Variants in PIEZO2 observed in about 807,000 individuals in gnomAD.
PIEZO2 encodes piezo-type mechanosensitive ion channel component 2.
Under a neutral mutation model 337.3 loss-of-function variants are expected in PIEZO2, and 172 were observed. The observed-to-expected ratio is 0.51, with a 90% CI of 0.45 to 0.58. PIEZO2 has a LOEUF of 0.58. PIEZO2 is among the 20% of genes least tolerant of loss of function. PIEZO2 has a pLI of 0.00. For synonymous variants in PIEZO2, 1,251 were observed against 1,228.5 expected (o/e 1.02, Z -0.38); for missense variants, 3,028 against 3,391.3 (o/e 0.89, Z 2.66).
chr18:10,854,079 A>G lies in PIEZO2; in HGVS notation c.917+1274T>C, dbSNP rs914137937. 6.6e-6 allele frequency among the ~76,000 whole-genome samples: 1 copy of G among 151,688 alleles called. No homozygotes were observed. Among genetic ancestry groups the G allele is most frequent in the Admixed American group, 6.6e-5 (1 of 15,230 alleles). On this transcript the variant is annotated intron_variant, in intron 7 of 55. Transcript: ENST00000674853. The surrounding 1 kb of genome is among the most constrained non-coding windows in gnomAD (Gnocchi z 4.6). The stretch of plus-strand genomic sequence containing the variant: ...TCTTTTCCATGCTGATTTTTTTTTT[A>G]AAGACCCATTCATTTGCCTTGCAGA...
In PIEZO2 at chr18:11,126,621, T is replaced by C. The variant is rs1233547999; in HGVS notation, c.64+21904A>G. On this transcript the variant is annotated intron_variant, in intron 1 of 55. Coordinates refer to ENST00000674853, the MANE Select transcript of PIEZO2 (RefSeq NM_001378183.1). This position sits in a 1 kb window ranked among gnomAD's most constrained non-coding sequence, Gnocchi z 4.6. ...AAGAGGATCTCAAGAGCAGGAGCCA[T>C]GCCTTACATATTTTTTTTTTTTTGT... Among the ~76,000 whole-genome samples the C allele has an allele frequency of 6.6e-6, 1 of 151,770 alleles. No homozygotes were observed. The highest frequency in any genetic ancestry group is 1.5e-5 in the Non-Finnish European group (1 of 67,974).
At chr18:11,059,209 G>C (rs998152170) in intron 2 of PIEZO2, among the ~76,000 whole-genome samples, 2 of 141,002 alleles carry the variant, frequency 1.4e-5, no homozygotes, top group African/African-American at 4.9e-5. Context: ...CAAATGCTGA[G>C]AGATTTCATC....
chr18:10,742,798 T>TTGTGTGTGTGTGTG (rs71169946), intron 31 of PIEZO2, among the ~76,000 whole-genome samples, 183 bp from the exon 32 acceptor site: 1 of 115,576 alleles, frequency 8.7e-6, no homozygotes, highest in South Asian at 2.5e-4. Flanking sequence ...ATATACATAT[T>TTGTGTGTGTGTGTG]TGTGTGTGTG....
chr18:10,696,413 G>C lies in PIEZO2; in HGVS notation c.6954C>G (p.Val2318=), dbSNP rs779676985. The C allele has an allele frequency of 6.2e-7, 1 of 1,614,220 alleles. No homozygotes were observed. The highest frequency in any genetic ancestry group is 1.1e-5 in the South Asian group (1 of 91,082). The change falls in exon 46 of 56, where the codon GTC becomes GTG. Residue 2318 remains valine (V), a synonymous_variant. Coordinates refer to ENST00000674853, the MANE Select transcript of PIEZO2 (RefSeq NM_001378183.1). ...LADTVDFIII[V]FGFWAFGKHS... ...CTACCCCAAAGGCCCAAAAGCCGAA[G>C]ACAATGATGATGAAGTCCACAGTGT...
In PIEZO2 at chr18:10,952,150, AAAAC is replaced by A. The variant is rs1399715419; in HGVS notation, c.286+27381_286+27384del. 6.6e-6 allele frequency among the ~76,000 whole-genome samples: 1 copy of A among 152,168 alleles called. No individual in the cohort carries two copies. Among genetic ancestry groups the A allele is most frequent in the Admixed American group, 6.5e-5 (1 of 15,274 alleles). The stretch of plus-strand genomic sequence containing the variant: ...CTCTCTACTCTTCAGTAGAGCCCCC[AAAAC>A]AAACAGTGAAACAGTGAGAGGAAAA... On this transcript the variant is annotated intron_variant, in intron 3 of 55. Coordinates refer to ENST00000674853, the MANE Select transcript of PIEZO2 (RefSeq NM_001378183.1). The surrounding 1 kb of genome is among the most constrained non-coding windows in gnomAD (Gnocchi z 4.1).
At chr18:10,956,528 T>A (rs1473809049) in intron 3 of PIEZO2, among the ~76,000 whole-genome samples, 1 of 152,198 alleles carries the variant, frequency 6.6e-6, no homozygotes, top group South Asian at 2.1e-4. Flanking sequence ...TGAAAAAAAA[T>A]TATCTTAAAA....
Position 10,762,994 on chromosome 18 carries a change from C to T in PIEZO2, c.3051G>A (p.Val1017=). The T allele has an allele frequency of 1.3e-6, 2 of 1,537,262 alleles. No individual in the cohort carries two copies. Among genetic ancestry groups the T allele is most frequent in the East Asian group, 2.4e-5 (1 of 40,904 alleles). The part of the protein sequence containing the change: ...ASSVCTVWTC[V]IIVCKMLYQL... ...GGTACAACATTTTGCAGACGATGAT[C>T]ACACACGTCCAGACTGTGCAGACAC... is the stretch of plus-strand genomic sequence containing the variant. Residue 1017 remains valine (V), a synonymous_variant, in exon 22 of 56, where the codon GTG becomes GTA. Transcript: ENST00000674853.
intron 2 of PIEZO2, among the ~76,000 whole-genome samples, chr18:10,991,435 G>A (rs2035098487): frequency 7.6e-6 from 1 of 131,272 alleles, no homozygotes; most frequent in African/African-American, 3.0e-5. Context: ...CTGTGTCCAT[G>A]TGTTCTCATT....
At position 10,682,309 on chromosome 18, in the gene PIEZO2, A is replaced by G. The variant is rs1405702966; in HGVS notation, c.7498-17T>C. On this transcript the variant is annotated splice_polypyrimidine_tract_variant and intron_variant, in intron 49 of 55. Transcript: ENST00000674853. The surrounding 1 kb of genome is among the most constrained non-coding windows in gnomAD (Gnocchi z 5.6). ...AGGGTATCTCTGCAACAGAGAGTTC[A>G]GACAAGGCTCAGGCTCAGGCTCAGG... is the stretch of plus-strand genomic sequence containing the variant. 1 of 1,528,476 alleles carries G rather than the reference A, an allele frequency of 6.5e-7. No homozygotes were observed. Among genetic ancestry groups the G allele is most frequent in the South Asian group, 1.2e-5 (1 of 82,286 alleles). The allele number at this position is 1,528,476 out of a possible 1,614,324, so 94.7% of individuals were successfully genotyped here. A position where few individuals can be genotyped will look rare whatever the true frequency, so the allele number is the denominator to read the frequency against.
chr18:10,807,009 G>T, intron 8 of PIEZO2, 103 bp downstream of exon 8: 2 of 1,185,374 alleles, frequency 1.7e-6, no homozygotes, highest in South Asian at 1.6e-5. Context: ...AGTTGTGTTG[G>T]AATAGAGTAT....
Position 10,938,851 on chromosome 18 carries a change from C to A in PIEZO2, c.287-27623G>T, listed in dbSNP as rs190857870. ...CCTGTAATCCCAGCACTTTGGGAGG[C>A]TGAGGCAGGCAGATCACAAGTTCAG... On this transcript the variant is annotated intron_variant, in intron 3 of 55. Transcript: ENST00000674853. 1.9e-4 allele frequency among the ~76,000 whole-genome samples: 29 copies of A among 152,242 alleles called. No homozygotes were observed. In the East Asian group the frequency reaches 5.4e-3, roughly 28 times the overall value.
chr18:10,911,305 A>G (rs1221782367), intron 3 of PIEZO2, 77 bp from the exon 4 acceptor site: 6 of 382,438 alleles, frequency 1.6e-5, no homozygotes, highest in Admixed American at 8.6e-5. Context: ...CACACACGCT[A>G]GATATTTGGT....
At chr18:11,064,445 T>C (rs2038084043) in intron 2 of PIEZO2, among the ~76,000 whole-genome samples, 1 of 152,242 alleles carries the variant, frequency 6.6e-6, no homozygotes, top group Non-Finnish European at 1.5e-5. Context: ...CACCTGTTTG[T>C]GCTCTGTTTG....
At chr18:10,768,548 C>T (rs1426000893) in intron 21 of PIEZO2, among the ~76,000 whole-genome samples, 1 of 152,164 alleles carries the variant, frequency 6.6e-6, no homozygotes, top group Non-Finnish European at 1.5e-5. Flanking sequence ...TGGGATTTGG[C>T]AGATGCTAGC....
At chr18:11,025,845 C>T (rs553891547) in intron 2 of PIEZO2, among the ~76,000 whole-genome samples, 5 of 152,226 alleles carry the variant, frequency 3.3e-5, no homozygotes, top group East Asian at 3.9e-4. Context: ...GTGGGTACTG[C>T]ACAACTCTTG....
At chr18:10,902,224 T>C (rs900888724) in intron 4 of PIEZO2, among the ~76,000 whole-genome samples, 86 of 152,234 alleles carry the variant, frequency 5.6e-4, no homozygotes, top group African/African-American at 1.9e-3. Flanking sequence ...CGTGGAAAAA[T>C]TGTCTTCCAC....
At chr18:11,082,563 T>C (rs1462189396) in intron 1 of PIEZO2, among the ~76,000 whole-genome samples, 1 of 152,072 alleles carries the variant, frequency 6.6e-6, no homozygotes, top group Non-Finnish European at 1.5e-5. Context: ...GTGATCTGCC[T>C]GCCTTGGCCT....
In PIEZO2 at chr18:10,697,730, A is replaced by C; in HGVS notation, c.6827+18T>G. ...CCCTACAATAAAGCACACATGCCAT[A>C]TGTTCTCATGGACTCACTTCTTTAT... On this transcript the variant is annotated intron_variant, in intron 45 of 55. Coordinates refer to ENST00000674853, the MANE Select transcript of PIEZO2 (RefSeq NM_001378183.1). The C allele has an allele frequency of 6.2e-7, 1 of 1,611,732 alleles. No homozygotes were observed. The highest frequency in any genetic ancestry group is 8.5e-7 in the Non-Finnish European group (1 of 1,179,584).
chr18:10,902,126 T>TAG (rs1310113686), intron 4 of PIEZO2, among the ~76,000 whole-genome samples: 1 of 152,210 alleles, frequency 6.6e-6, no homozygotes, highest in Non-Finnish European at 1.5e-5. Context: ...GCAAGGGATC[T>TAG]AGGTTGCATG....
Sources: gnomAD v4.1 joint callset for allele counts (sites outside exome capture counted in the v4.1 genomes callset) on GRCh38, gnomAD v4.1.1 for gene constraint, Gnocchi (gnomAD v3.1) non-coding constraint, MANE v1.5 for transcripts, NCBI Gene and HGNC (gene_info 2026-07-23, HGNC 2026-07-21) for gene names.